Variants in NOL4 observed in about 807,000 individuals in gnomAD.
NOL4 encodes cancer/testis antigen 125.
NOL4 carries 17 observed loss-of-function variants against 75.9 expected under a neutral mutation model. The observed-to-expected ratio is 0.22, with a 90% CI of 0.15 to 0.34. The LOEUF (loss-of-function observed/expected upper bound fraction) is 0.34, where lower values mean the gene tolerates loss of function less well. NOL4 is among the 10% of genes least tolerant of loss of function. The probability of loss-of-function intolerance (pLI) is 1.00; values close to 1 mark genes in which losing one functional copy is unlikely to be tolerated. For missense variants in NOL4, 614 were observed against 793.5 expected, an observed-to-expected ratio of 0.77 and a Z score of 2.72; for synonymous variants, 292 against 289.9, an observed-to-expected ratio of 1.01 and a Z score of -0.07.
intron 5 of NOL4, among the ~76,000 whole-genome samples, chr18:34,069,015 A>G (rs564659479): frequency 6.6e-6 from 1 of 152,304 alleles, no homozygotes; most frequent in Admixed American, 6.5e-5. Flanking sequence ...TACATGAAGG[A>G]AAAAATTATC....
In NOL4 at chr18:33,917,130, C is replaced by T. The variant is rs77032940; in HGVS notation, c.1542+25935G>A. ...TTAATAATTTTTAATTACCAGGAGCCTAGATTATGCAAATGAACTATAACT... is the reference window on the plus strand; with the variant it reads ...TTAATAATTTTTAATTACCAGGAGCTTAGATTATGCAAATGAACTATAACT... On this transcript the variant is annotated intron_variant, in intron 9 of 10. Coordinates refer to ENST00000261592, the MANE Select transcript of NOL4 (RefSeq NM_003787.5). Among the ~76,000 whole-genome samples, 1,411 of 152,188 alleles carry T rather than the reference C, an allele frequency of 9.3e-3. 7 individuals are homozygous for T. The highest frequency in any genetic ancestry group is 0.037 in the Middle Eastern group (11 of 294).
chr18:33,920,490 G>A (rs2066972026), intron 9 of NOL4, among the ~76,000 whole-genome samples: 2 of 152,118 alleles, frequency 1.3e-5, no homozygotes, highest in Admixed American at 1.3e-4. Flanking sequence ...TTCAAAAAGT[G>A]CAATGTAAAA....
intron 2 of NOL4, among the ~76,000 whole-genome samples, chr18:34,122,083 T>C (rs188917663): frequency 6.6e-6 from 1 of 152,286 alleles, no homozygotes; most frequent in Admixed American, 6.5e-5. Flanking sequence ...CTGTTCCAAA[T>C]TCCAAATTCT....
intron 1 of NOL4, among the ~76,000 whole-genome samples, chr18:34,213,268 C>T (rs1429408861): frequency 6.6e-6 from 1 of 152,030 alleles, no homozygotes; most frequent in African/African-American, 2.4e-5. Flanking sequence ...GTCCTGAGGG[C>T]TCTGTTCTTA....
intron 6 of NOL4, among the ~76,000 whole-genome samples, chr18:33,980,642 T>G (rs1452157374): frequency 6.6e-6 from 1 of 151,566 alleles, no homozygotes; most frequent in African/African-American, 2.4e-5. Context: ...TTTGTGAAAG[T>G]CACAGTCTAG....
chr18:34,133,272 CAA>C (rs1230503382), intron 1 of NOL4, among the ~76,000 whole-genome samples: 60 of 57,886 alleles, frequency 1.0e-3, no homozygotes, highest in African/African-American at 2.5e-3. Context: ...AACTCCGTCT[CAA>C]AAAAAAAAAA....
At chr18:33,981,294 T>A (rs1326657412) in intron 6 of NOL4, among the ~76,000 whole-genome samples, 1 of 147,728 alleles carries the variant, frequency 6.8e-6, no homozygotes. Flanking sequence ...TGACTGAAAT[T>A]AAAAAAAAAA....
At chr18:34,022,820 A>G (rs2075122843) in intron 5 of NOL4, among the ~76,000 whole-genome samples, 1 of 152,090 alleles carries the variant, frequency 6.6e-6, no homozygotes, top group Admixed American at 6.5e-5. Context: ...GTTAAAAACT[A>G]AACATCCTAC....
intron 9 of NOL4, among the ~76,000 whole-genome samples, chr18:33,926,374 A>G (rs2067330895): frequency 6.6e-6 from 1 of 150,850 alleles, no homozygotes; most frequent in East Asian, 1.9e-4. Context: ...AAAAAAAAAA[A>G]AAAAAAAAAA....
intron 10 of NOL4, among the ~76,000 whole-genome samples, chr18:33,858,878 T>A (rs1198044484): frequency 1.3e-5 from 2 of 152,214 alleles, no homozygotes; most frequent in East Asian, 3.9e-4. Context: ...GAATATCCAT[T>A]TTTGAATTAA....
intron 5 of NOL4, among the ~76,000 whole-genome samples, chr18:34,074,859 T>A (rs1280919747): frequency 2.0e-5 from 3 of 152,158 alleles, no homozygotes; most frequent in Non-Finnish European, 4.4e-5. Context: ...TTTTAGCTTA[T>A]ATTATGTAAT....
At chr18:33,859,853 G>A (rs919907308) in intron 10 of NOL4, among the ~76,000 whole-genome samples, 2 of 152,114 alleles carry the variant, frequency 1.3e-5, no homozygotes, top group African/African-American at 4.8e-5. Flanking sequence ...AGGAGGCAGA[G>A]GTTTCAGTGG....
intron 1 of NOL4, among the ~76,000 whole-genome samples, chr18:34,151,992 A>G (rs1260763843): frequency 1.3e-5 from 2 of 151,930 alleles, no homozygotes; most frequent in Non-Finnish European, 2.9e-5. Context: ...ATGCTTGATC[A>G]ATTTGAAAAA....
chr18:33,978,852 T>C (rs1291702358), intron 6 of NOL4, among the ~76,000 whole-genome samples: 5 of 152,070 alleles, frequency 3.3e-5, no homozygotes, highest in South Asian at 4.1e-4. Flanking sequence ...TTTAAGTTTT[T>C]TAAAAAAATA....
chr18:34,166,121 A>G lies in NOL4; in HGVS notation c.265-36101T>C, dbSNP rs181920365. 4.6e-5 allele frequency among the ~76,000 whole-genome samples: 7 copies of G among 152,204 alleles called. No individual in the cohort carries two copies. In the East Asian group the frequency reaches 7.7e-4, roughly 17 times the overall value. ...CAATATGATATTACAAGAAACTGTAATATTTTAAATATTCATTAATATTTG... is the reference window on the plus strand; with the variant it reads ...CAATATGATATTACAAGAAACTGTAGTATTTTAAATATTCATTAATATTTG... On this transcript the variant is annotated intron_variant, in intron 1 of 10. Coordinates refer to ENST00000261592, the MANE Select transcript of NOL4 (RefSeq NM_003787.5).
chr18:34,128,330 C>T (rs2080475884), intron 2 of NOL4, among the ~76,000 whole-genome samples: 1 of 151,896 alleles, frequency 6.6e-6, no homozygotes, highest in South Asian at 2.1e-4. Context: ...TCATTTAATA[C>T]AATTGAAATT....
At chr18:34,060,915 T>C (rs1412109623) in intron 5 of NOL4, among the ~76,000 whole-genome samples, 1 of 152,178 alleles carries the variant, frequency 6.6e-6, no homozygotes, top group Non-Finnish European at 1.5e-5. Context: ...AAAATAAAAG[T>C]GCTATGTAAA....
intron 1 of NOL4, among the ~76,000 whole-genome samples, chr18:34,203,863 C>G (rs1033224138): frequency 1.3e-5 from 2 of 151,868 alleles, no homozygotes; most frequent in Non-Finnish European, 2.9e-5. Flanking sequence ...AAATAGAAGT[C>G]TTGGTCCCAT....
In NOL4 at chr18:34,097,214, A is replaced by G. The variant is rs190713020; in HGVS notation, c.640-3617T>C. Among the ~76,000 whole-genome samples, 322 of 152,310 alleles carry G rather than the reference A, an allele frequency of 2.1e-3. 5 individuals carry two copies. Among genetic ancestry groups the G allele is most frequent in the African/African-American group, 7.2e-3 (300 of 41,560 alleles). On this transcript the variant is annotated intron_variant, in intron 4 of 10. Coordinates refer to ENST00000261592, the MANE Select transcript of NOL4 (RefSeq NM_003787.5). ...TAATGTGTATGCTATTCAATCAAAT[A>G]TTTACGGTTTCCCATAAGACTGCTT...
Sources: gnomAD v4.1 joint callset for allele counts (sites outside exome capture counted in the v4.1 genomes callset) on GRCh38, gnomAD v4.1.1 for gene constraint, MANE v1.5 for transcripts, NCBI Gene and HGNC (gene_info 2026-07-23, HGNC 2026-07-21) for gene names.